MACROD2: variants seen among roughly 807,000 people sequenced by gnomAD.
MACROD2 encodes the protein mono-ADP ribosylhydrolase 2.
Under a neutral mutation model 70.4 loss-of-function variants are expected in MACROD2, and 36 were observed. The observed-to-expected ratio is 0.51, with a 90% CI of 0.39 to 0.68. The LOEUF is 0.68. Among genes scored for constraint, MACROD2 ranks in the 30% least tolerant of loss-of-function variants. MACROD2 has a pLI of 0.00. For missense variants in MACROD2, 496 were observed against 538.4 expected (o/e 0.92, Z 0.78); for synonymous variants, 172 against 178.8 (o/e 0.96, Z 0.30).
chr20:14,777,709 C>G (rs575012435), intron 5 of MACROD2, among the ~76,000 whole-genome samples: 1 of 152,110 alleles, frequency 6.6e-6, no homozygotes, highest in East Asian at 1.9e-4. Context: ...TAGTAATATG[C>G]TGTTTAAACA....
chr20:15,121,474 T>C (rs1404826462), intron 5 of MACROD2, among the ~76,000 whole-genome samples: 5 of 146,482 alleles, frequency 3.4e-5, no homozygotes, highest in South Asian at 2.1e-4. Context: ...GATCGAGCCA[T>C]TGCACTCCAG....
At chr20:14,235,917 A>T (rs950322789) in intron 3 of MACROD2, among the ~76,000 whole-genome samples, 7 of 9,150 alleles carry the variant, frequency 7.7e-4, no homozygotes, top group Non-Finnish European at 1.2e-3. Flanking sequence ...GGAAAAACAT[A>T]CTTAATAGTA....
intron 6 of MACROD2, among the ~76,000 whole-genome samples, chr20:15,310,419 G>A (rs1457411522): frequency 6.6e-6 from 1 of 151,966 alleles, no homozygotes; most frequent in Non-Finnish European, 1.5e-5. Flanking sequence ...CTACTCATTT[G>A]GTTTCACTCC....
intron 5 of MACROD2, among the ~76,000 whole-genome samples, chr20:14,899,441 A>C (rs2073870025): frequency 6.6e-6 from 1 of 152,086 alleles, no homozygotes; most frequent in South Asian, 2.1e-4. Flanking sequence ...TTCCATAGCT[A>C]TCCCCTACCT....
At chr20:15,913,906 T>A (rs2065272515) in intron 10 of MACROD2, among the ~76,000 whole-genome samples, 1 of 152,214 alleles carries the variant, frequency 6.6e-6, no homozygotes, top group Non-Finnish European at 1.5e-5. Context: ...AGTGAATGAA[T>A]AAACGAATAA....
intron 5 of MACROD2, among the ~76,000 whole-genome samples, chr20:14,685,407 G>A (rs1373635992): frequency 2.6e-5 from 4 of 152,140 alleles, no homozygotes; most frequent in Non-Finnish European, 5.9e-5. Context: ...CCATGTAAAG[G>A]CTGATTGGCA....
chr20:15,091,305 G>C (rs1601059882), intron 5 of MACROD2, among the ~76,000 whole-genome samples: 2 of 150,546 alleles, frequency 1.3e-5, no homozygotes, highest in South Asian at 4.2e-4. Context: ...CTAAGATGGG[G>C]ATATGTATAC....
chr20:15,872,324 G>A (rs951401644), intron 9 of MACROD2, among the ~76,000 whole-genome samples: 3 of 152,070 alleles, frequency 2.0e-5, no homozygotes, highest in South Asian at 2.1e-4. Flanking sequence ...TGCTATGTCC[G>A]AATAATGATT....
chr20:14,756,169 A>G (rs1313369457), intron 5 of MACROD2, among the ~76,000 whole-genome samples: 1 of 151,992 alleles, frequency 6.6e-6, no homozygotes, highest in Non-Finnish European at 1.5e-5. Context: ...TTGCTTACTA[A>G]ACTCCGTGGC....
At chr20:14,514,841 TC>T in intron 4 of MACROD2, among the ~76,000 whole-genome samples, 1 of 152,232 alleles carries the variant, frequency 6.6e-6, no homozygotes, top group Middle Eastern at 3.4e-3. Flanking sequence ...TTCTAGGACT[TC>T]CATGGTAGAT....
chr20:14,640,281 T>C (rs757086829), intron 4 of MACROD2, among the ~76,000 whole-genome samples: 1 of 152,192 alleles, frequency 6.6e-6, no homozygotes, highest in Non-Finnish European at 1.5e-5. Flanking sequence ...GCAACTGGAA[T>C]CTAATAGGAA....
At chr20:14,615,440 G>T (rs530218866) in intron 4 of MACROD2, among the ~76,000 whole-genome samples, 1 of 152,144 alleles carries the variant, frequency 6.6e-6, no homozygotes. Context: ...TTTAGATGGG[G>T]AGGATAAGAG....
rs75051149 is a variant in MACROD2 at position 15,167,375 on chromosome 20, A to T, written c.419-62565A>T. Among the ~76,000 whole-genome samples the T allele has an allele frequency of 2.7e-3, 413 of 152,268 alleles. 1 individual carries two copies. The highest frequency in any genetic ancestry group is 9.5e-3 in the African/African-American group (393 of 41,572). On this transcript the variant is annotated intron_variant, in intron 5 of 17. Transcript: ENST00000684519. ...CTTAGCATTAGTTGGTAAATGTTGA[A>T]ATTTAAGATAACCTTGTTTCCTGCA...
intron 8 of MACROD2, among the ~76,000 whole-genome samples, chr20:15,701,430 G>A (rs999279759): frequency 4.6e-5 from 7 of 151,948 alleles, no homozygotes; most frequent in Non-Finnish European, 7.4e-5. Context: ...TCAATTATTC[G>A]TAACCTTATT....
intron 4 of MACROD2, among the ~76,000 whole-genome samples, chr20:14,618,039 TG>T (rs1289215258): frequency 6.6e-6 from 1 of 152,116 alleles, no homozygotes; most frequent in African/African-American, 2.4e-5. Context: ...ACTAGCAACC[TG>T]AGTAATTGAA....
intron 5 of MACROD2, among the ~76,000 whole-genome samples, chr20:15,021,063 T>C (rs775269574): frequency 1.8e-4 from 26 of 143,972 alleles, no homozygotes; most frequent in Middle Eastern, 7.5e-3. Context: ...TGTGCATATG[T>C]ATACACATGT....
intron 5 of MACROD2, among the ~76,000 whole-genome samples, chr20:14,740,893 A>G (rs866389337): frequency 6.6e-6 from 1 of 152,042 alleles, no homozygotes; most frequent in African/African-American, 2.4e-5. Flanking sequence ...GGATTAGCAT[A>G]CTGGGTTGTG....
chr20:14,256,593 T>C (rs2122294196), intron 3 of MACROD2, among the ~76,000 whole-genome samples: 1 of 152,250 alleles, frequency 6.6e-6, no homozygotes, highest in South Asian at 2.1e-4. Context: ...CCATCAAAAC[T>C]TGAGATTATT....
intron 3 of MACROD2, among the ~76,000 whole-genome samples, chr20:14,180,442 A>G (rs2081296677): frequency 6.6e-6 from 1 of 152,146 alleles, no homozygotes; most frequent in Admixed American, 6.5e-5. Flanking sequence ...TTAAACTAGA[A>G]TAGTATATTA....
Sources: gnomAD v4.1 joint callset for allele counts (sites outside exome capture counted in the v4.1 genomes callset) on GRCh38, gnomAD v4.1.1 for gene constraint, MANE v1.5 for transcripts, NCBI Gene and HGNC (gene_info 2026-07-23, HGNC 2026-07-21) for gene names.